OOSP1: variants seen among roughly 807,000 people sequenced by gnomAD.
OOSP1 encodes putative oocyte-secreted protein 1 homolog.
OOSP1 carries 11 observed loss-of-function variants against 5.7 expected under a neutral mutation model. That is an observed-to-expected ratio of 1.94 (90% CI 1.22 to 3.20). The LOEUF is 3.20. OOSP1 is among the 30% of genes most tolerant of loss of function. OOSP1 has a pLI of 0.00. For synonymous variants in OOSP1, 44 were observed against 20.0 expected (o/e 2.20, Z -3.20); for missense variants, 83 against 54.1 (o/e 1.53, Z -1.67).
chr11:59,948,832 T>C (rs1853913119), intron 4 of OOSP1: 1 of 397,880 alleles, frequency 2.5e-6, no homozygotes, highest in Non-Finnish European at 4.4e-6. Context: ...GGACTGAGGA[T>C]TTAATGTGCT....
At chr11:59,940,690 A>G (rs955664490) in intron 1 of OOSP1, among the ~76,000 whole-genome samples, 1 of 152,192 alleles carries the variant, frequency 6.6e-6, no homozygotes, top group Non-Finnish European at 1.5e-5. Context: ...TTGTGTGTGC[A>G]TATCTAGGAA....
chr11:59,940,042 G>A (rs750309852), intron 1 of OOSP1, among the ~76,000 whole-genome samples: 138 of 152,312 alleles, frequency 9.1e-4, no homozygotes, highest in Admixed American at 2.7e-3. Flanking sequence ...TTCCTGCCTG[G>A]GCTGTCAATT....
chr11:59,945,880 T>TGGCGGAAGGCAACGGAAGGC (rs1169971260), intron 3 of OOSP1, among the ~76,000 whole-genome samples: 2 of 151,522 alleles, frequency 1.3e-5, no homozygotes, highest in Non-Finnish European at 2.9e-5. Context: ...TTTTTACTCA[T>TGGCGGAAGGCAACGGAAGGC]GGCGGAAGGC....
At chr11:59,955,559 A>G (rs1853987132) in intron 4 of OOSP1, among the ~76,000 whole-genome samples, 1 of 152,144 alleles carries the variant, frequency 6.6e-6, no homozygotes. Context: ...ATTTAGATTA[A>G]ATTAAAACTT....
chr11:59,941,190 T>G lies in OOSP1; in HGVS notation c.77-1657T>G, dbSNP rs186520158. Among the ~76,000 whole-genome samples the G allele has an allele frequency of 4.8e-3, 732 of 152,342 alleles. 1 individual carries two copies. The highest frequency in any genetic ancestry group is 7.5e-3 in the Non-Finnish European group (507 of 68,030). ...TGTAACCTTTTGGAATTGGCGTTTTTTTTCACTCAGTGTAATTCCTTGAAG... is the reference window on the plus strand; with the variant it reads ...TGTAACCTTTTGGAATTGGCGTTTTGTTTCACTCAGTGTAATTCCTTGAAG... On this transcript the variant is annotated intron_variant, in intron 1 of 4. Coordinates refer to ENST00000646685, the Ensembl canonical transcript of OOSP1.
At chr11:59,950,504 T>G (rs1209612893) in intron 4 of OOSP1, among the ~76,000 whole-genome samples, 1 of 152,086 alleles carries the variant, frequency 6.6e-6, no homozygotes, top group African/African-American at 2.4e-5. Flanking sequence ...GCAGAGCCTT[T>G]GAATGAGCCA....
At chr11:59,945,054 G>C in intron 2 of OOSP1, 115 bp from the exon 3 acceptor site, 1 of 643,926 alleles carries the variant, frequency 1.6e-6, no homozygotes, top group South Asian at 1.8e-5. Context: ...AGTTGAGTGA[G>C]AGTGTGACCA....
intron 4 of OOSP1, among the ~76,000 whole-genome samples, 169 bp from the exon 5 acceptor site, chr11:59,957,026 T>C (rs1423527381): frequency 6.6e-6 from 1 of 152,210 alleles, no homozygotes; most frequent in African/African-American, 2.4e-5. Context: ...AGTGTGCAAG[T>C]ATCTTTTTCA....
At position 59,951,323 on chromosome 11, in the gene OOSP1, T is replaced by C. The variant is rs1340313072; in HGVS notation, c.486+3461T>C. Among the ~76,000 whole-genome samples, 2 of 152,102 alleles carry C rather than the reference T, an allele frequency of 1.3e-5. 1 individual carries two copies. Among genetic ancestry groups the C allele is most frequent in the Non-Finnish European group, 2.9e-5 (2 of 68,022 alleles). ...TAGACCTGAAAAAGAGACAGATCGC[T>C]GAGCACAGTTTTCATGCTTACTTTA... On this transcript the variant is annotated intron_variant, in intron 4 of 4. Transcript: ENST00000646685.
intron 4 of OOSP1, among the ~76,000 whole-genome samples, chr11:59,948,083 T>A (rs1402095020): frequency 6.6e-6 from 1 of 152,226 alleles, no homozygotes; most frequent in Non-Finnish European, 1.5e-5. Flanking sequence ...GAACCCCATA[T>A]AACTAAGAGC....
chr11:59,947,938 A>C (rs1446173043), intron 4 of OOSP1, 76 bp downstream of exon 4: 1 of 397,154 alleles, frequency 2.5e-6, no homozygotes, highest in African/African-American at 2.1e-5. Context: ...ACAATTGTCA[A>C]GGAAATGGCA....
intron 4 of OOSP1, among the ~76,000 whole-genome samples, chr11:59,956,275 T>C (rs575542222): frequency 4.5e-4 from 69 of 152,200 alleles, no homozygotes; most frequent in African/African-American, 1.7e-3. Context: ...AAAAGCATGA[T>C]AGCAATAGCA....
At chr11:59,938,557 A>G (rs1228519394) in intron 1 of OOSP1, 27 bp downstream of exon 1, 3 of 480,768 alleles carry the variant, frequency 6.2e-6, no homozygotes, top group East Asian at 3.4e-5. Flanking sequence ...GGGGAATAGA[A>G]GTTTCTTAAA....
chr11:59,941,341 GT>G (rs1208127961), intron 1 of OOSP1, among the ~76,000 whole-genome samples: 1 of 151,334 alleles, frequency 6.6e-6, no homozygotes. Context: ...GCTGTCTTCA[GT>G]TTTTGACTAT....
chr11:59,947,199 A>G (rs954723952), intron 3 of OOSP1, among the ~76,000 whole-genome samples: 7 of 152,092 alleles, frequency 4.6e-5, no homozygotes, highest in African/African-American at 1.7e-4. Context: ...AGCAGCTAAC[A>G]TTTATTAATC....
intron 4 of OOSP1, among the ~76,000 whole-genome samples, chr11:59,951,773 GTTTTTTTTTTTTTTTT>G (rs60435750): frequency 1.7e-5 from 1 of 57,994 alleles, no homozygotes; most frequent in Non-Finnish European, 3.2e-5. Context: ...CAGTGGCACA[GTTTTTTTTTTTTTTTT>G]TTTTTTTTTT....
At chr11:59,954,295 A>G (rs1853969500) in intron 4 of OOSP1, among the ~76,000 whole-genome samples, 1 of 152,094 alleles carries the variant, frequency 6.6e-6, no homozygotes, top group Non-Finnish European at 1.5e-5. Context: ...TGTTGCAACT[A>G]CTCAGCTCTG....
chr11:59,948,762 A>T (rs1161443280), intron 4 of OOSP1: 1 of 398,054 alleles, frequency 2.5e-6, no homozygotes, highest in Non-Finnish European at 4.4e-6. Context: ...GCAAGAGAAG[A>T]AACTGTTCTG....
At chr11:59,956,009 T>G (rs1198435293) in intron 4 of OOSP1, among the ~76,000 whole-genome samples, 1 of 152,122 alleles carries the variant, frequency 6.6e-6, no homozygotes, top group Admixed American at 6.6e-5. Flanking sequence ...CTGTGCTAGG[T>G]GCTGTGAGAC....
Sources: gnomAD v4.1 joint callset for allele counts (sites outside exome capture counted in the v4.1 genomes callset) on GRCh38, gnomAD v4.1.1 for gene constraint, MANE v1.5 for transcripts, NCBI Gene and HGNC (gene_info 2026-07-23, HGNC 2026-07-21) for gene names.